The following SYCP2 variants were observed in gnomAD, a reference collection of about 807,000 sequenced individuals.
The protein encoded by SYCP2 is synaptonemal complex protein 2, also known as synaptonemal complex lateral element protein.
SYCP2 carries 55 observed loss-of-function variants against 211.3 expected under a neutral mutation model. The observed-to-expected ratio is 0.26, with a 90% CI of 0.21 to 0.33. SYCP2 has a LOEUF of 0.33. SYCP2 is among the 10% of genes least tolerant of loss of function. The pLI is 1.00. For missense variants in SYCP2, 1,731 were observed against 1,752.0 expected, an observed-to-expected ratio of 0.99 and a Z score of 0.21; for synonymous variants, 570 against 555.2, an observed-to-expected ratio of 1.03 and a Z score of -0.37.
At chr20:59,878,184 A>T in intron 31 of SYCP2, 139 bp from the exon 32 acceptor site, 1 of 622,370 alleles carries the variant, frequency 1.6e-6, no homozygotes. Context: ...GCATTTAATA[A>T]GTGAACCTCC....
chr20:59,913,556 G>T (rs936571104), intron 12 of SYCP2, among the ~76,000 whole-genome samples: 5 of 152,076 alleles, frequency 3.3e-5, no homozygotes, highest in African/African-American at 4.8e-5. Flanking sequence ...AAAGGAAGAT[G>T]ATTTGTTTGC....
At position 59,869,128 on chromosome 20, in the gene SYCP2, T is replaced by G. The variant is rs2059403328; in HGVS notation, c.3742-203A>C. ...TTGACCTCAATCTTCTTGTAATAGCTGTGATGTGAGCTACTTTTTTTTCTA... is the reference window on the plus strand; with the variant it reads ...TTGACCTCAATCTTCTTGTAATAGCGGTGATGTGAGCTACTTTTTTTTCTA... On this transcript the variant is annotated intron_variant, in intron 36 of 44. Transcript: ENST00000357552. 3.3e-5 allele frequency among the ~76,000 whole-genome samples: 5 copies of G among 151,796 alleles called. No homozygotes were observed. The South Asian group carries it at 1.0e-3, about 31-fold the overall frequency.
intron 18 of SYCP2, among the ~76,000 whole-genome samples, chr20:59,897,235 G>A (rs1203389454): frequency 6.6e-6 from 1 of 152,046 alleles, no homozygotes; most frequent in Non-Finnish European, 1.5e-5. Context: ...CCTAGAACAG[G>A]GGAAAAAATG....
intron 14 of SYCP2, among the ~76,000 whole-genome samples, chr20:59,909,404 C>T (rs139106387): frequency 6.1e-4 from 93 of 152,330 alleles, no homozygotes; most frequent in African/African-American, 1.9e-3. Context: ...CCATGCCCAT[C>T]GTTATATCTC....
intron 2 of SYCP2, among the ~76,000 whole-genome samples, chr20:59,928,673 T>C (rs1202379962): frequency 4.6e-5 from 7 of 152,204 alleles, no homozygotes; most frequent in African/African-American, 1.7e-4. Flanking sequence ...TAAGCATATA[T>C]TGGAAGTTCA....
chr20:59,901,834 G>A (rs1252689941), intron 15 of SYCP2, 24 bp from the exon 16 acceptor site: 3 of 1,533,636 alleles, frequency 2.0e-6, no homozygotes, highest in African/African-American at 1.4e-5. Flanking sequence ...ACACTGATTA[G>A]TTTACGTTTC....
chr20:59,876,910 T>C (rs1376448852), intron 33 of SYCP2, among the ~76,000 whole-genome samples: 1 of 152,176 alleles, frequency 6.6e-6, no homozygotes, highest in Non-Finnish European at 1.5e-5. Flanking sequence ...GATGGTAGAC[T>C]GCCAGACAAA....
rs2059920597 is a variant in SYCP2, at chr20:59,892,180, T to C, written c.2174A>G (p.Lys725Arg). The C allele has an allele frequency of 6.2e-7, 1 of 1,612,526 alleles. No homozygotes were observed. The highest frequency in any genetic ancestry group is 8.5e-7 in the Non-Finnish European group (1 of 1,179,194). ...AATTGTCTTATTTAGGAGAACCGAT[T>C]TAAAAGTAGTTTCAGATTCAACAGG... ...DWPVESETTF[K>R]SVLLNKTIEE... The change falls in exon 24 of 45, where the codon AAA (lysine) becomes AGA (arginine). Residue 725 changes from lysine to arginine, a missense_variant. By Grantham distance (26) the Lys-to-Arg change is conservative. Around this residue, in one of 3 missense-constraint regions of SYCP2, gnomAD observed 1,387 missense variants for 1,351.3 expected, o/e 1.03. Transcript: ENST00000357552.
chr20:59,919,290 C>T (rs2060496917), intron 6 of SYCP2, 108 bp from the exon 7 acceptor site: 2 of 697,546 alleles, frequency 2.9e-6, no homozygotes, highest in Non-Finnish European at 4.9e-6. Flanking sequence ...TACATTTTAA[C>T]TCAGAGCATA....
chr20:59,893,377 A>ACCTCAAAAATTCCTTGCAC, intron 21 of SYCP2, 147 bp downstream of exon 21: 1 of 758,890 alleles, frequency 1.3e-6, no homozygotes, highest in Non-Finnish European at 2.1e-6. Flanking sequence ...TTTCCTTGTA[A>ACCTCAAAAATTCCTTGCAC]CCTCAAAAAT....
intron 10 of SYCP2, among the ~76,000 whole-genome samples, 170 bp downstream of exon 10, chr20:59,914,991 AAATT>A (rs2060409137): frequency 6.6e-6 from 1 of 152,058 alleles, no homozygotes. Flanking sequence ...CTACTGTCAT[AAATT>A]ATTTTTGTCC....
At chr20:59,916,189 G>A (rs1437600788) in intron 8 of SYCP2, among the ~76,000 whole-genome samples, 5 of 151,974 alleles carry the variant, frequency 3.3e-5, no homozygotes, top group East Asian at 3.9e-4. Context: ...TATGATTATA[G>A]TACATGTACA....
intron 15 of SYCP2, among the ~76,000 whole-genome samples, chr20:59,903,174 C>T (rs747766412): frequency 2.6e-5 from 4 of 151,960 alleles, no homozygotes; most frequent in Non-Finnish European, 5.9e-5. Context: ...TTAATGATTG[C>T]TTTGTTGAAA....
chr20:59,900,243 C>G lies in SYCP2; in HGVS notation c.1299G>C (p.Glu433Asp). The G allele has an allele frequency of 2.5e-6, 4 of 1,612,258 alleles. No homozygotes were observed. The highest frequency in any genetic ancestry group is 3.4e-6 in the Non-Finnish European group (4 of 1,179,502). Residue 433 changes from glutamate (E) to aspartate (D), a missense_variant, in exon 18 of 45, where the codon GAG becomes GAC. Physicochemically the swap from Glu to Asp is conservative, Grantham distance 45 (BLOSUM62 2). Coordinates refer to ENST00000357552, the MANE Select transcript of SYCP2 (RefSeq NM_014258.4). The stretch of plus-strand genomic sequence containing the variant: ...TTGATTTTTCCTTTAAACTAACGAG[C>G]TCTTCTCCGACTGGTGAGATTTGAC... ...PESQISPVGE[E>D]LVSLKEKSKS...
intron 24 of SYCP2, among the ~76,000 whole-genome samples, chr20:59,888,942 A>G (rs9784185): frequency 0.026 from 4,007 of 152,114 alleles, 185 homozygotes; most frequent in African/African-American, 0.091. Context: ...GTACGAGAGA[A>G]AAACTACAAA....
At chr20:59,895,814 T>A (rs889243783) in intron 19 of SYCP2, among the ~76,000 whole-genome samples, 3 of 152,146 alleles carry the variant, frequency 2.0e-5, no homozygotes, top group Non-Finnish European at 4.4e-5. Context: ...TTTGGACCTA[T>A]TACATTTGGG....
chr20:59,927,830 C>T (rs2060661952), intron 2 of SYCP2, among the ~76,000 whole-genome samples: 1 of 152,114 alleles, frequency 6.6e-6, no homozygotes, highest in African/African-American at 2.4e-5. Flanking sequence ...CTTTTGTTTA[C>T]ATGAAAACTG....
In SYCP2 at chr20:59,868,972, C is replaced by T. The variant is rs1020047195; in HGVS notation, c.3742-47G>A. 5.8e-6 allele frequency: 8 copies of T among 1,381,602 alleles called. No homozygotes were observed. The African/African-American group carries it at 1.2e-4, about 20-fold the overall frequency. 85.6% of individuals were successfully genotyped at this position (1,381,602 alleles called of 1,614,324 possible). A position where few individuals can be genotyped will look rare whatever the true frequency, so the allele number is the denominator to read the frequency against. On this transcript the variant is annotated intron_variant, in intron 36 of 44. Transcript: ENST00000357552. ...AGAAAAAAATTCCGTAAATATATTT[C>T]AATTCACATTTTATCACCTTTCTCA...
intron 38 of SYCP2, 27 bp from the exon 39 acceptor site, chr20:59,867,874 G>C (rs558570329): frequency 3.2e-6 from 5 of 1,544,240 alleles, no homozygotes; most frequent in South Asian, 1.2e-5. Context: ...ATCTGCTGAA[G>C]TTAAAATATG....
Sources: allele counts gnomAD v4.1 joint callset (sites outside exome capture counted in the v4.1 genomes callset), GRCh38; gene constraint gnomAD v4.1.1; regional missense constraint gnomAD v4.1.1; transcripts MANE v1.5; gene names NCBI Gene and HGNC (gene_info 2026-07-23, HGNC 2026-07-21).